CERKL: variants seen among roughly 807,000 people sequenced by gnomAD.
CERKL encodes ceramide kinase-like protein.
Under a neutral mutation model 63.4 loss-of-function variants are expected in CERKL, and 61 were observed. That is an observed-to-expected ratio of 0.96 (90% confidence interval 0.78 to 1.19). CERKL has a LOEUF of 1.19. Among genes scored for constraint, CERKL ranks in the 50% most tolerant of loss-of-function variants. CERKL has a pLI of 0.00. For missense variants in CERKL, 675 were observed against 655.5 expected (o/e 1.03, Z -0.33); for synonymous variants, 250 against 230.5 (o/e 1.08, Z -0.77).
intron 1 of CERKL, among the ~76,000 whole-genome samples, chr2:181,653,628 A>G (rs1351448448): frequency 6.6e-6 from 1 of 152,250 alleles, no homozygotes; most frequent in African/African-American, 2.4e-5. Context: ...CATCGTGTTA[A>G]GAGAAGTAAC....
At chr2:181,555,924 T>G (rs994756434) in intron 5 of CERKL, among the ~76,000 whole-genome samples, 5 of 152,008 alleles carry the variant, frequency 3.3e-5, no homozygotes, top group African/African-American at 1.2e-4. Flanking sequence ...AGCTCATTTT[T>G]GTATTTTTAG....
rs374201253 is a variant in CERKL, at chr2:181,591,988, T to G, written c.481+11849A>C. On this transcript the variant is annotated intron_variant, in intron 2 of 12. Transcript: ENST00000410087. ...TTCTGTTGTGCCGAAAAGTGAGATG[T>G]GCCAAATTGATGGAAACAGGTTGAA... Among the ~76,000 whole-genome samples the G allele has an allele frequency of 5.9e-5, 9 of 152,254 alleles. No individual in the cohort carries two copies. In the South Asian group the frequency reaches 1.2e-3, roughly 21 times the overall value.
At chr2:181,559,692 A>T (rs992271502) in intron 4 of CERKL, among the ~76,000 whole-genome samples, 1 of 152,202 alleles carries the variant, frequency 6.6e-6, no homozygotes, top group Non-Finnish European at 1.5e-5. Context: ...ATATATTTAA[A>T]AACACTATTT....
At chr2:181,633,555 G>A (rs1687056054) in intron 1 of CERKL, among the ~76,000 whole-genome samples, 1 of 152,108 alleles carries the variant, frequency 6.6e-6, no homozygotes, top group Non-Finnish European at 1.5e-5. Flanking sequence ...TTTGTTCTTT[G>A]TTTTGTTGAT....
rs1553511508 is a variant in CERKL, at chr2:181,537,682, A to AATATTGATGTATT, written c.*489_*501dup. On this transcript the variant is annotated 3_prime_UTR_variant, in exon 13 of 13. Transcript: ENST00000410087. ...AATTATTTCAGAATTATCTAGGTTA[A>AATATTGATGTATT]ATATTGATGTATTATGATGGTTGCA... The AATATTGATGTATT allele has an allele frequency of 2.3e-6, 1 of 433,322 alleles. No individual in the cohort carries two copies. The highest frequency in any genetic ancestry group is 1.7e-5 in the South Asian group (1 of 59,810). The allele number at this position is 433,322 out of a possible 1,614,324, so 26.8% of individuals were successfully genotyped here. A position where few individuals can be genotyped will look rare whatever the true frequency, so the allele number is the denominator to read the frequency against.
At chr2:181,569,951 C>T (rs148429189) in intron 3 of CERKL, among the ~76,000 whole-genome samples, 62 of 152,248 alleles carry the variant, frequency 4.1e-4, no homozygotes, top group Admixed American at 3.3e-3. Context: ...ACGGGAATGA[C>T]GGATTTGCAA....
At position 181,537,948 on chromosome 2, in the gene CERKL, G is replaced by A. The variant is rs762054907; in HGVS notation, c.*236C>T. 75 of 625,482 alleles carry A rather than the reference G, an allele frequency of 1.2e-4. No individual in the cohort carries two copies. Among genetic ancestry groups the A allele is most frequent in the South Asian group, 2.7e-4 (18 of 65,892 alleles). The allele number at this position is 625,482 out of a possible 1,614,324, so 38.7% of individuals were successfully genotyped here. On this transcript the variant is annotated 3_prime_UTR_variant, in exon 13 of 13. Transcript: ENST00000410087. ...CAGCATTAGATTCTCATAGAAGTGC[G>A]AACCATATGGTGAACTGGTATGTGA... is the stretch of plus-strand genomic sequence containing the variant.
intron 1 of CERKL, among the ~76,000 whole-genome samples, chr2:181,656,531 C>A (rs1688162581): frequency 6.6e-6 from 1 of 151,874 alleles, no homozygotes. Context: ...CGGGAAAAGG[C>A]TAGGTAGCGA....
chr2:181,653,910 T>C (rs1688037635), intron 1 of CERKL, among the ~76,000 whole-genome samples: 1 of 152,208 alleles, frequency 6.6e-6, no homozygotes, highest in Admixed American at 6.5e-5. Flanking sequence ...GTCTTTTGAA[T>C]GTTCTAACCC....
At chr2:181,644,416 A>G (rs1456370110) in intron 1 of CERKL, among the ~76,000 whole-genome samples, 1 of 152,266 alleles carries the variant, frequency 6.6e-6, no homozygotes, top group African/African-American at 2.4e-5. Context: ...TAAAATGACC[A>G]TAATTTAAGA....
At chr2:181,582,161 C>T (rs1684540643) in intron 2 of CERKL, among the ~76,000 whole-genome samples, 1 of 152,214 alleles carries the variant, frequency 6.6e-6, no homozygotes, top group Non-Finnish European at 1.5e-5. Context: ...CCTTGGCCAT[C>T]ACACCTTGAC....
rs757141852 is a variant in CERKL, at chr2:181,603,841, C to T, written c.477G>A (p.Leu159=). ...DIWFRQFKKI[L]AGFPNRPKSL... ...TTTCCCATGAGGAGTACTTACCTGC[C>T]AATATTTTCTTGAACTGTCTAAACC... Residue 159 remains leucine, a synonymous_variant, in exon 2 of 13, where the codon TTG becomes TTA. Transcript: ENST00000410087. 1 of 1,613,048 alleles carries T rather than the reference C, an allele frequency of 6.2e-7. No individual in the cohort carries two copies. Among genetic ancestry groups the T allele is most frequent in the Non-Finnish European group, 8.5e-7 (1 of 1,179,424 alleles).
At position 181,536,902 on chromosome 2, in the gene CERKL, G is replaced by A. The variant is rs201086694; in HGVS notation, c.*1282C>T. The A allele has an allele frequency of 4.0e-5, 18 of 453,272 alleles. No individual in the cohort carries two copies. Among genetic ancestry groups the A allele is most frequent in the African/African-American group, 3.6e-4 (18 of 49,936 alleles). The allele number at this position is 453,272 out of a possible 1,614,324, so 28.1% of individuals were successfully genotyped here. A position where few individuals can be genotyped will look rare whatever the true frequency, so the allele number is the denominator to read the frequency against. ...TTATAGGGAGTGATCAAATTAGAAG[G>A]CAATGTGGAAAAACAATTCTGGGAA... On this transcript the variant is annotated 3_prime_UTR_variant, in exon 13 of 13. Transcript: ENST00000410087.
At chr2:181,634,544 G>A (rs1365519524) in intron 1 of CERKL, among the ~76,000 whole-genome samples, 2 of 152,034 alleles carry the variant, frequency 1.3e-5, no homozygotes, top group Non-Finnish European at 2.9e-5. Context: ...GAACATGATA[G>A]ACAGTACGTA....
At chr2:181,594,639 T>A (rs1685125764) in intron 2 of CERKL, among the ~76,000 whole-genome samples, 1 of 152,186 alleles carries the variant, frequency 6.6e-6, no homozygotes, top group Non-Finnish European at 1.5e-5. Flanking sequence ...AACAAAGGTG[T>A]GAAACTAGTA....
intron 2 of CERKL, among the ~76,000 whole-genome samples, chr2:181,590,275 T>C (rs1194182287): frequency 3.3e-5 from 5 of 152,042 alleles, no homozygotes; most frequent in Admixed American, 6.6e-5. Flanking sequence ...GTAGCTGGGA[T>C]CACAAGCATG....
intron 1 of CERKL, among the ~76,000 whole-genome samples, chr2:181,615,599 T>G (rs767121829): frequency 3.3e-5 from 5 of 152,252 alleles, no homozygotes; most frequent in African/African-American, 4.8e-5. Flanking sequence ...ATTAGATGGT[T>G]AAGCAATGTG....
At chr2:181,591,344 A>G (rs1354285796) in intron 2 of CERKL, among the ~76,000 whole-genome samples, 1 of 152,070 alleles carries the variant, frequency 6.6e-6, no homozygotes, top group Non-Finnish European at 1.5e-5. Context: ...GAAACATGTT[A>G]ATGTCCTACA....
At chr2:181,559,251 G>A (rs1270817325) in intron 4 of CERKL, among the ~76,000 whole-genome samples, 1 of 151,810 alleles carries the variant, frequency 6.6e-6, no homozygotes, top group African/African-American at 2.4e-5. Context: ...ATTGCTATAC[G>A]GTGCTTCTAG....
Sources: gnomAD v4.1 joint callset for allele counts (sites outside exome capture counted in the v4.1 genomes callset) on GRCh38, gnomAD v4.1.1 for gene constraint, MANE v1.5 for transcripts, NCBI Gene and HGNC (gene_info 2026-07-23, HGNC 2026-07-21) for gene names.